The following KAT6A variants were observed in gnomAD, a reference collection of about 807,000 sequenced individuals.
KAT6A encodes lysine acetyltransferase 6A.
In KAT6A, 9 loss-of-function variants were observed where a neutral mutation model predicts 198.4. That is an observed-to-expected ratio of 0.05 (90% CI 0.03 to 0.08). KAT6A has a LOEUF of 0.08. KAT6A is among the 10% of genes least tolerant of loss of function. KAT6A has a pLI of 1.00. For synonymous variants in KAT6A, 890 were observed against 883.0 expected, an observed-to-expected ratio of 1.01 and a Z score of -0.14; for missense variants, 2,077 against 2,509.9, an observed-to-expected ratio of 0.83 and a Z score of 3.69.
At chr8:41,957,366 C>T (rs2150872593) in intron 8 of KAT6A, 1 of 501,228 alleles carries the variant, frequency 2.0e-6, no homozygotes, top group South Asian at 1.6e-5. Flanking sequence ...AGGCTCTCTA[C>T]ACAGGGAGGA....
At chr8:41,959,713 C>T (rs966242794) in intron 8 of KAT6A, among the ~76,000 whole-genome samples, 13 of 152,238 alleles carry the variant, frequency 8.5e-5, no homozygotes, top group African/African-American at 3.1e-4. Flanking sequence ...AATCCCAGCA[C>T]TCTGGGAGGC....
In KAT6A at chr8:41,934,329, C is replaced by T. The variant is rs1821735264; in HGVS notation, c.3891G>A (p.Glu1297=). The change falls in exon 17 of 17, where the codon GAG becomes GAA. Residue 1297 remains glutamate (E), a synonymous_variant. Transcript: ENST00000265713. ...CAGCTGCATCTTCCTCCTCCTCTGG[C>T]TCTGGCTCCTCTAATTCCTGCTGCT... ...EEEQQELEEP[E]PEEEEDAAAE... 4 of 1,613,938 alleles carry T rather than the reference C, an allele frequency of 2.5e-6. No homozygotes were observed. In the Admixed American group the frequency reaches 5.0e-5, roughly 20 times the overall value.
At chr8:41,953,330 C>G (rs11991402) in intron 9 of KAT6A, among the ~76,000 whole-genome samples, 1 of 151,938 alleles carries the variant, frequency 6.6e-6, no homozygotes, top group Non-Finnish European at 1.5e-5. Context: ...CTATAGTCTC[C>G]GGAACAGTTG....
At chr8:42,005,637 G>T (rs1309706910) in intron 2 of KAT6A, among the ~76,000 whole-genome samples, 2 of 152,186 alleles carry the variant, frequency 1.3e-5, no homozygotes, top group African/African-American at 4.8e-5. Context: ...AGGGAGTGAG[G>T]TTGGAAGGAG....
At chr8:42,011,152 G>T (rs1826001151) in intron 2 of KAT6A, among the ~76,000 whole-genome samples, 1 of 152,094 alleles carries the variant, frequency 6.6e-6, no homozygotes, top group African/African-American at 2.4e-5. Flanking sequence ...GACCTAACAT[G>T]CCCCTTACAT....
At chr8:42,046,703 CAT>C (rs747635595) in intron 2 of KAT6A, among the ~76,000 whole-genome samples, 4 of 152,140 alleles carry the variant, frequency 2.6e-5, no homozygotes, top group African/African-American at 4.8e-5. Flanking sequence ...AATTCAGCCA[CAT>C]GTGATAAAGT....
intron 8 of KAT6A, among the ~76,000 whole-genome samples, chr8:41,971,226 T>TAA (rs60126106): frequency 1.5e-5 from 2 of 134,318 alleles, no homozygotes; most frequent in Non-Finnish European, 3.3e-5. Flanking sequence ...AGGTATAATT[T>TAA]AAAAAAAAAA....
At chr8:41,935,613 A>G (rs1451875862) in intron 16 of KAT6A, among the ~76,000 whole-genome samples, 1 of 152,228 alleles carries the variant, frequency 6.6e-6, no homozygotes, top group African/African-American at 2.4e-5. Flanking sequence ...TTAACCATTT[A>G]TAAGTGTTAA....
intron 2 of KAT6A, among the ~76,000 whole-genome samples, chr8:42,005,779 C>CAT (rs1177724288): frequency 7.3e-6 from 1 of 136,530 alleles, no homozygotes; most frequent in Admixed American, 7.3e-5. Context: ...CACACACACA[C>CAT]ACACACACAC....
At chr8:42,017,771 G>T (rs1173791509) in intron 2 of KAT6A, among the ~76,000 whole-genome samples, 1 of 152,136 alleles carries the variant, frequency 6.6e-6, no homozygotes, top group African/African-American at 2.4e-5. Context: ...ACACTGGGAG[G>T]ACATATTTTA....
intron 2 of KAT6A, among the ~76,000 whole-genome samples, chr8:42,029,431 C>T (rs1181025928): frequency 6.6e-6 from 1 of 151,998 alleles, no homozygotes; most frequent in African/African-American, 2.4e-5. Flanking sequence ...ATTATGGTGT[C>T]CCTCCCATAT....
At position 41,941,163 on chromosome 8, in the gene KAT6A, T is replaced by C. The variant is rs368865750; in HGVS notation, c.2718A>G (p.Ser906=). Residue 906 remains serine, a synonymous_variant, in exon 15 of 17, where the codon TCA becomes TCG. Transcript: ENST00000265713. ...CAGTGTATTGTTCCTGGGTGGCTTC[T>C]GATTTCTCCCCACATTCTCCATATT... ...QEQYGECGEK[S]EATQEQYTES... 5 of 1,614,094 alleles carry C rather than the reference T, an allele frequency of 3.1e-6. No individual in the cohort carries two copies. Among genetic ancestry groups the C allele is most frequent in the Non-Finnish European group, 2.5e-6 (3 of 1,180,040 alleles).
At position 41,978,769 on chromosome 8, in the gene KAT6A, T is replaced by G; in HGVS notation, c.916A>C (p.Ile306Leu). ...PLTRMPKGMW[I>L]CQICRPRKKG... is the part of the protein sequence containing the mutation. The stretch of plus-strand genomic sequence containing the variant: ...TTCCTAGGTCGACATATTTGACATA[T>G]CCACATGCCTATAAAAAAATAAAAT... Residue 306 changes from isoleucine to leucine, a missense_variant, in exon 6 of 17, where the codon ATA becomes CTA. By Grantham distance (5) the Ile-to-Leu change is conservative (BLOSUM62 2). This residue lies in a region of KAT6A where 89 missense variants were observed against 154.4 expected (regional missense o/e 0.58). Transcript: ENST00000265713. 2.5e-6 allele frequency: 4 copies of G among 1,613,144 alleles called. No individual in the cohort carries two copies. In the South Asian group the frequency reaches 4.4e-5, roughly 18 times the overall value.
intron 2 of KAT6A, among the ~76,000 whole-genome samples, chr8:42,026,843 A>C (rs1435267072): frequency 6.6e-6 from 1 of 152,078 alleles, no homozygotes; most frequent in Non-Finnish European, 1.5e-5. Context: ...GCCTTATTCC[A>C]ATTCTTAGAG....
chr8:42,049,024 T>C lies in KAT6A; in HGVS notation c.-47A>G, dbSNP rs1802462410. On this transcript the variant is annotated 5_prime_UTR_variant, in exon 2 of 17. Coordinates refer to ENST00000265713, the MANE Select transcript of KAT6A (RefSeq NM_006766.5). ...ATAGAGTCGTTATCCCTTATCCTGA[T>C]GCTGAGTAAGTTTTACACCATGGAA... 1.1e-5 allele frequency: 17 copies of C among 1,559,656 alleles called. No homozygotes were observed. Among genetic ancestry groups the C allele is most frequent in the Non-Finnish European group, 1.4e-5 (16 of 1,157,148 alleles).
At chr8:42,018,451 G>A (rs1017145687) in intron 2 of KAT6A, among the ~76,000 whole-genome samples, 4 of 152,222 alleles carry the variant, frequency 2.6e-5, no homozygotes, top group Admixed American at 1.3e-4. Flanking sequence ...GGTGGAGGCT[G>A]CAGTAAGCCG....
rs1316782955 is a variant in KAT6A, at chr8:41,941,145, T to C, written c.2736A>G (p.Gln912=). The change falls in exon 15 of 17, where the codon CAA becomes CAG. Residue 912 remains glutamine, a synonymous_variant. Coordinates refer to ENST00000265713, the MANE Select transcript of KAT6A (RefSeq NM_006766.5). The stretch of plus-strand genomic sequence containing the variant: ...CCAGCTGTTCTTCACTTTCAGTGTA[T>C]TGTTCCTGGGTGGCTTCTGATTTCT... ...CGEKSEATQE[Q]YTESEEQLVA... is the part of the protein sequence containing the mutation. 3.7e-6 allele frequency: 6 copies of C among 1,614,242 alleles called. No homozygotes were observed. Among genetic ancestry groups the C allele is most frequent in the Non-Finnish European group, 4.2e-6 (5 of 1,180,048 alleles).
chr8:42,044,943 C>G (rs994856818), intron 2 of KAT6A, among the ~76,000 whole-genome samples: 2 of 152,288 alleles, frequency 1.3e-5, no homozygotes, highest in Admixed American at 1.3e-4. Context: ...TTCTGCATAG[C>G]AACTGACTGC....
rs142510204 is a variant in KAT6A at position 41,941,091 on chromosome 8, G to A, written c.2790C>T (p.Asp930=). The change falls in exon 15 of 17, where the codon GAC becomes GAT. Residue 930 remains aspartate, a synonymous_variant. Coordinates refer to ENST00000265713, the MANE Select transcript of KAT6A (RefSeq NM_006766.5). ...TTCTCTTGGGAAGGTCAGGTTTCCC[G>A]TCCTGGCTTGGCTGCTCCTCAGAAG... The part of the protein sequence containing the change: ...LVASEEQPSQ[D]GKPDLPKRRL... The A allele has an allele frequency of 4.3e-5, 69 of 1,614,178 alleles. No homozygotes were observed. The highest frequency in any genetic ancestry group is 2.2e-4 in the South Asian group (20 of 91,076).
Sources: allele counts gnomAD v4.1 joint callset (sites outside exome capture counted in the v4.1 genomes callset), GRCh38; gene constraint gnomAD v4.1.1; regional missense constraint gnomAD v4.1.1; transcripts MANE v1.5; gene names NCBI Gene and HGNC (gene_info 2026-07-23, HGNC 2026-07-21).